CYP20A1: variants seen among roughly 807,000 people sequenced by gnomAD.
The protein encoded by CYP20A1 is cytochrome P450 20A1.
In CYP20A1, 61 loss-of-function variants were observed where a neutral mutation model predicts 61.4. The observed-to-expected ratio is 0.99, with a 90% CI of 0.81 to 1.23. The LOEUF is 1.23. Ranked by LOEUF, CYP20A1 falls within the 50% of genes most tolerant of loss-of-function variation. CYP20A1 has a pLI of 0.00. For missense variants in CYP20A1, 530 were observed against 542.4 expected, an observed-to-expected ratio of 0.98 and a Z score of 0.23; for synonymous variants, 193 against 188.2, an observed-to-expected ratio of 1.03 and a Z score of -0.21.
chr2:203,244,729 ATTCT>A (rs946392804), intron 1 of CYP20A1, among the ~76,000 whole-genome samples: 1 of 116,592 alleles, frequency 8.6e-6, no homozygotes, highest in African/African-American at 3.1e-5. Flanking sequence ...GAATGAAATA[ATTCT>A]TTTTTTTTTT....
At chr2:203,295,958 A>G (rs2068777192) in intron 11 of CYP20A1, among the ~76,000 whole-genome samples, 1 of 151,914 alleles carries the variant, frequency 6.6e-6, no homozygotes, top group Non-Finnish European at 1.5e-5. Flanking sequence ...AAAAAAAGAA[A>G]AAAAAAGAGA....
chr2:203,266,405 T>C, intron 4 of CYP20A1, 109 bp from the exon 5 acceptor site: 1 of 922,804 alleles, frequency 1.1e-6, no homozygotes, highest in Non-Finnish European at 1.7e-6. Flanking sequence ...GAATGTTGAC[T>C]TTGGTTACAG....
rs749527110 is a variant in CYP20A1, at chr2:203,296,762, G to T, written c.1243G>T (p.Ala415Ser). The change falls in exon 13 of 13, where the codon GCA becomes TCA. Residue 415 changes from alanine (A) to serine (S), a missense_variant. By Grantham distance (99) the Ala-to-Ser change is moderately conservative. Transcript: ENST00000356079. ...GTQECPELRFAYMVTTVLLSV... is the reference protein window; with the variant it reads ...GTQECPELRFSYMVTTVLLSV... ...ATTGACTTTCTTCCTGACTAGGTTT[G>T]CATATATGGTGACCACAGTACTTCT... The T allele has an allele frequency of 1.9e-6, 3 of 1,586,068 alleles. No individual in the cohort carries two copies. The South Asian group carries it at 3.5e-5, about 19-fold the overall frequency.
Position 203,302,152 on chromosome 2 carries a change from C to G in CYP20A1, c.*5244C>G, listed in dbSNP as rs559668938. Among the ~76,000 whole-genome samples the G allele has an allele frequency of 3.3e-5, 5 of 152,168 alleles. No individual in the cohort carries two copies. The highest frequency in any genetic ancestry group is 2.0e-4 in the Admixed American group (3 of 15,284). The stretch of plus-strand genomic sequence containing the variant: ...TGTTGGCCAGGCTGGCCTCGAACTC[C>G]TCAACCTCAAGTAGTCTGCCCACCT... On this transcript the variant is annotated 3_prime_UTR_variant, in exon 13 of 13. Transcript: ENST00000356079.
In CYP20A1 at chr2:203,301,602, C is replaced by T. The variant is rs374468519; in HGVS notation, c.*4694C>T. Among the ~76,000 whole-genome samples, 3 of 152,126 alleles carry T rather than the reference C, an allele frequency of 2.0e-5. No individual in the cohort carries two copies. In the East Asian group the frequency reaches 5.8e-4, roughly 29 times the overall value. On this transcript the variant is annotated 3_prime_UTR_variant, in exon 13 of 13. Transcript: ENST00000356079. ...ACATTTTTTTATGAACTAAAGAGCT[C>T]TCTCAAACTTGTGCTAACAAAATTT...
intron 1 of CYP20A1, among the ~76,000 whole-genome samples, chr2:203,243,035 A>T (rs1256234262): frequency 3.3e-5 from 5 of 152,196 alleles, no homozygotes; most frequent in African/African-American, 1.2e-4. Context: ...ATAAACCTTA[A>T]GTGGGGTGTC....
rs989499636 is a variant in CYP20A1, at chr2:203,300,451, T to C, written c.*3543T>C. Among the ~76,000 whole-genome samples the C allele has an allele frequency of 1.3e-5, 2 of 152,224 alleles. No individual in the cohort carries two copies. Among genetic ancestry groups the C allele is most frequent in the Non-Finnish European group, 2.9e-5 (2 of 68,038 alleles). On this transcript the variant is annotated 3_prime_UTR_variant, in exon 13 of 13. Transcript: ENST00000356079. ...TCACTGATGGCTTATAGAATGATTC[T>C]AGCAGGACTCAAGTTATTGAACTAT...
intron 4 of CYP20A1, among the ~76,000 whole-genome samples, chr2:203,252,819 A>ATCTGTGACTC (rs1215797273): frequency 1.3e-5 from 2 of 152,008 alleles, no homozygotes; most frequent in Non-Finnish European, 2.9e-5. Context: ...ACGCTAAGAG[A>ATCTGTGACTC]TCTGTGACTC....
rs931038706 is a variant in CYP20A1, at chr2:203,299,819, AGCCAAGATCG to A, written c.*2912_*2921del. Among the ~76,000 whole-genome samples the A allele has an allele frequency of 2.4e-4, 37 of 152,132 alleles. 1 individual carries two copies. Among genetic ancestry groups the A allele is most frequent in the Admixed American group, 1.5e-3 (23 of 15,250 alleles). Reference sequence around the variant, plus strand: ...AACCTGGGAGGCAGAGGTTGCGGTGAGCCAAGATCGCGCCATTGCACTCCAGCCTGGGCAA... The same window carrying A: ...AACCTGGGAGGCAGAGGTTGCGGTGACGCCATTGCACTCCAGCCTGGGCAA... On this transcript the variant is annotated 3_prime_UTR_variant, in exon 13 of 13. Transcript: ENST00000356079.
In CYP20A1 at chr2:203,303,562, A is replaced by G. The variant is rs1466013867; in HGVS notation, c.*6654A>G. Among the ~76,000 whole-genome samples the G allele has an allele frequency of 6.6e-6, 1 of 151,738 alleles. No individual in the cohort carries two copies. Among genetic ancestry groups the G allele is most frequent in the African/African-American group, 2.4e-5 (1 of 41,306 alleles). ...AATACCAAAAGTAGCGGGCGTGGTG[A>G]CAGGTGCCTCTAATCCCAGCTACTC... On this transcript the variant is annotated 3_prime_UTR_variant, in exon 13 of 13. Coordinates refer to ENST00000356079, the MANE Select transcript of CYP20A1 (RefSeq NM_177538.3).
At chr2:203,246,983 G>T in intron 3 of CYP20A1, 62 bp downstream of exon 3, 1 of 1,508,296 alleles carries the variant, frequency 6.6e-7, no homozygotes, top group Non-Finnish European at 9.1e-7. Flanking sequence ...TGTTTAGGCT[G>T]GGCACGGTGG....
chr2:203,299,893 C>A lies in CYP20A1; in HGVS notation c.*2985C>A, dbSNP rs994863211. ...CCGTCTCAAAAAAAAAAGAAAAATTCTAAAACTTTAAGTGAAATTTATTAT... is the reference window on the plus strand; with the variant it reads ...CCGTCTCAAAAAAAAAAGAAAAATTATAAAACTTTAAGTGAAATTTATTAT... On this transcript the variant is annotated 3_prime_UTR_variant, in exon 13 of 13. Coordinates refer to ENST00000356079, the MANE Select transcript of CYP20A1 (RefSeq NM_177538.3). Among the ~76,000 whole-genome samples the A allele has an allele frequency of 4.6e-5, 7 of 152,136 alleles. No individual in the cohort carries two copies. The East Asian group carries it at 1.4e-3, about 29-fold the overall frequency.
intron 2 of CYP20A1, 74 bp from the exon 3 acceptor site, chr2:203,246,681 T>G: frequency 7.0e-7 from 1 of 1,427,560 alleles, no homozygotes; most frequent in Non-Finnish European, 9.6e-7. Context: ...TACAGTTAAT[T>G]CAGAGTCAAC....
chr2:203,247,741 C>T lies in CYP20A1; in HGVS notation c.289+820C>T, dbSNP rs557971679. 2.7e-4 allele frequency among the ~76,000 whole-genome samples: 41 copies of T among 152,148 alleles called. 1 individual carries two copies. The South Asian group carries it at 7.9e-3, about 29-fold the overall frequency. ...GCGTGGTGAGGTGTGCCTGTAGTCC[C>T]AGCTACTCGGGAGGCTGAGGCAAGA... is the stretch of plus-strand genomic sequence containing the variant. On this transcript the variant is annotated intron_variant, in intron 3 of 12. Transcript: ENST00000356079.
At chr2:203,271,340 G>A (rs928853643) in intron 5 of CYP20A1, among the ~76,000 whole-genome samples, 8 of 151,352 alleles carry the variant, frequency 5.3e-5, no homozygotes, top group South Asian at 2.1e-4. Flanking sequence ...CGCCTGCCTC[G>A]GCCTCCCAAA....
chr2:203,258,643 A>G (rs2067012570), intron 4 of CYP20A1, among the ~76,000 whole-genome samples: 2 of 152,216 alleles, frequency 1.3e-5, no homozygotes, highest in Non-Finnish European at 2.9e-5. Context: ...ACTGATAGCC[A>G]GTATTCTCAG....
chr2:203,239,163 C>G, intron 1 of CYP20A1, 29 bp downstream of exon 1: 1 of 1,584,880 alleles, frequency 6.3e-7, no homozygotes, highest in Non-Finnish European at 8.7e-7. Context: ...CTCTGGGGCC[C>G]CGGGCGCCGC....
Position 203,299,816 on chromosome 2 carries a change from G to A in CYP20A1, c.*2908G>A, listed in dbSNP as rs1297616927. Among the ~76,000 whole-genome samples, 1 of 152,044 alleles carries A rather than the reference G, an allele frequency of 6.6e-6. No homozygotes were observed. Among genetic ancestry groups the A allele is most frequent in the African/African-American group, 2.4e-5 (1 of 41,398 alleles). On this transcript the variant is annotated 3_prime_UTR_variant, in exon 13 of 13. Coordinates refer to ENST00000356079, the MANE Select transcript of CYP20A1 (RefSeq NM_177538.3). ...TTGAACCTGGGAGGCAGAGGTTGCG[G>A]TGAGCCAAGATCGCGCCATTGCACT...
rs1465318296 is a variant in CYP20A1 at position 203,302,875 on chromosome 2, T to A, written c.*5967T>A. 2.0e-5 allele frequency among the ~76,000 whole-genome samples: 3 copies of A among 152,032 alleles called. No individual in the cohort carries two copies. The highest frequency in any genetic ancestry group is 4.4e-5 in the Non-Finnish European group (3 of 68,018). On this transcript the variant is annotated 3_prime_UTR_variant, in exon 13 of 13. Transcript: ENST00000356079. ...ACCCAGCTCATTTTTGTATTTTTAGTAGAGATGGGGTTTTACCGTGTTGGT... is the reference window on the plus strand; with the variant it reads ...ACCCAGCTCATTTTTGTATTTTTAGAAGAGATGGGGTTTTACCGTGTTGGT...
Sources: allele counts gnomAD v4.1 joint callset (sites outside exome capture counted in the v4.1 genomes callset), GRCh38; gene constraint gnomAD v4.1.1; transcripts MANE v1.5; gene names NCBI Gene and HGNC (gene_info 2026-07-23, HGNC 2026-07-21).